NAF1: variants seen among roughly 807,000 people sequenced by gnomAD.
The protein encoded by NAF1 is nuclear assembly factor 1 ribonucleoprotein.
NAF1 carries 11 observed loss-of-function variants against 40.6 expected under a neutral mutation model. The ratio of observed to expected loss-of-function variants is 0.27; its 90% confidence interval spans 0.17 to 0.45. The LOEUF is 0.45. Ranked by LOEUF, NAF1 falls within the 20% of genes least tolerant of loss-of-function variation. The pLI is 1.00. For missense variants in NAF1, 607 were observed against 611.1 expected (o/e 0.99, Z 0.07); for synonymous variants, 260 against 228.5 (o/e 1.14, Z -1.24).
At chr4:163,162,213 A>G (rs1169156358) in intron 2 of NAF1, among the ~76,000 whole-genome samples, 4 of 152,200 alleles carry the variant, frequency 2.6e-5, no homozygotes, top group Non-Finnish European at 5.9e-5. Context: ...TCCTAAACAC[A>G]CTACATACCT....
In NAF1 at chr4:163,166,653, T is replaced by C. The variant is rs2111083350; in HGVS notation, c.75A>G (p.Glu25=). ...AGCCCGGAGACGGAGCCGCCGGACC[T>C]TCCCCAACTCCAAAGTCGGTGCCAT... The part of the protein sequence containing the change: ...KFNGTDFGVG[E]GPAAPSPGSA... Residue 25 remains glutamate, a synonymous_variant, in exon 1 of 8, where the codon GAA becomes GAG. Coordinates refer to ENST00000274054, the MANE Select transcript of NAF1 (RefSeq NM_138386.3). 2 of 1,613,550 alleles carry C rather than the reference T, an allele frequency of 1.2e-6. No individual in the cohort carries two copies. The highest frequency in any genetic ancestry group is 2.2e-5 in the East Asian group (1 of 44,870).
rs375032528 is a variant in NAF1, at chr4:163,133,294, G to T, written c.931-38C>A. On this transcript the variant is annotated intron_variant, in intron 6 of 7. Transcript: ENST00000274054. ...AGTATATAATAGGTTTATGTTACAT[G>T]AATTTGCCAATTCAATAGTACATAC... 12 of 1,532,082 alleles carry T rather than the reference G, an allele frequency of 7.8e-6. No homozygotes were observed. The African/African-American group carries it at 1.4e-4, about 17-fold the overall frequency. 94.9% of individuals were successfully genotyped at this position (1,532,082 alleles called of 1,614,324 possible).
At chr4:163,135,296 A>G (rs1396756654) in intron 6 of NAF1, 1 of 152,216 alleles carries the variant, frequency 6.6e-6, no homozygotes, top group Non-Finnish European at 1.5e-5. Context: ...TAGACTACAA[A>G]GTTTCACCAA....
intron 2 of NAF1, among the ~76,000 whole-genome samples, chr4:163,115,838 C>T (rs1409352918): frequency 6.6e-6 from 1 of 152,166 alleles, no homozygotes; most frequent in East Asian, 1.9e-4. Context: ...ATAATGTGTA[C>T]AAATGCAACA....
At chr4:163,128,180 C>G (rs1279594748), downstream of NAF1, among the ~76,000 whole-genome samples, 1 of 152,124 alleles carries the variant, frequency 6.6e-6, no homozygotes, top group African/African-American at 2.4e-5. Flanking sequence ...ATGTGAGGAT[C>G]TGGAAAACAA....
At chr4:163,104,213 C>G in the NAF1 span, among the ~76,000 whole-genome samples, 1 of 152,102 alleles carries the variant, frequency 6.6e-6, no homozygotes, top group Non-Finnish European at 1.5e-5. Context: ...AGGCAGGAAC[C>G]GGCCGTTTCC....
chr4:163,166,717 A>G lies in NAF1; in HGVS notation c.11T>C (p.Val4Ala). MEV[V>A]EAAAAQLETL... ...TTCCAGCTGAGCGGCGGCGGCCTCCACTACCTCCATCGCACCGCGCCAGAA... is the reference window on the plus strand; with the variant it reads ...TTCCAGCTGAGCGGCGGCGGCCTCCGCTACCTCCATCGCACCGCGCCAGAA... Residue 4 changes from valine to alanine, a missense_variant, in exon 1 of 8, where the codon GTG becomes GCG. By Grantham distance (64) the Val-to-Ala change is moderately conservative. This residue lies in a region of NAF1 where 407 missense variants were observed against 365.5 expected (regional missense o/e 1.11). Coordinates refer to ENST00000274054, the MANE Select transcript of NAF1 (RefSeq NM_138386.3). 1 of 1,613,452 alleles carries G rather than the reference A, an allele frequency of 6.2e-7. No homozygotes were observed. Among genetic ancestry groups the G allele is most frequent in the Non-Finnish European group, 8.5e-7 (1 of 1,179,964 alleles).
At chr4:163,115,551 A>G (rs1470649673) in intron 2 of NAF1, among the ~76,000 whole-genome samples, 2 of 152,078 alleles carry the variant, frequency 1.3e-5, no homozygotes, top group African/African-American at 4.8e-5. Flanking sequence ...TCATGTTTCT[A>G]TTTATTTTTT....
chr4:163,164,728 C>T (rs1047202056), intron 1 of NAF1, among the ~76,000 whole-genome samples: 17 of 152,124 alleles, frequency 1.1e-4, no homozygotes, highest in African/African-American at 3.6e-4. Context: ...ATGTGACAAA[C>T]CACTAAAAAA....
chr4:163,128,088 A>G (rs1435971022), downstream of NAF1, among the ~76,000 whole-genome samples: 1 of 152,232 alleles, frequency 6.6e-6, no homozygotes, highest in East Asian at 1.9e-4. Context: ...CATAATATAA[A>G]GCAGTAGTCA....
intron 2 of NAF1, among the ~76,000 whole-genome samples, chr4:163,153,464 T>G (rs565061319): frequency 6.6e-6 from 1 of 152,124 alleles, no homozygotes; most frequent in East Asian, 1.9e-4. Context: ...AGAACCTTTA[T>G]GTCTAGCTCA....
chr4:163,104,040 T>C, the NAF1 span, among the ~76,000 whole-genome samples: 1 of 145,760 alleles, frequency 6.9e-6, no homozygotes, highest in African/African-American at 2.6e-5. Context: ...GGGTGGGTAG[T>C]GGAAAATTAC....
intron 6 of NAF1, among the ~76,000 whole-genome samples, 191 bp downstream of exon 6, chr4:163,137,008 A>G (rs1731084452): frequency 6.6e-6 from 1 of 152,206 alleles, no homozygotes; most frequent in Non-Finnish European, 1.5e-5. Context: ...TAAATGATCA[A>G]TCAAAACCTT....
chr4:163,126,839 C>T, downstream of NAF1: 5 of 1,230,798 alleles, frequency 4.1e-6, no homozygotes, highest in South Asian at 3.5e-5. Flanking sequence ...GATTAGTCAG[C>T]GGCCAACAGC....
chr4:163,164,630 C>T (rs926258374), intron 1 of NAF1, among the ~76,000 whole-genome samples: 1 of 152,042 alleles, frequency 6.6e-6, no homozygotes, highest in Non-Finnish European at 1.5e-5. Context: ...TTTAGTTTAC[C>T]AATAACATTT....
rs200114417 is a variant in NAF1, at chr4:163,128,887, G to T, written c.*10C>A. ...GAAAAGTCCACATTTCTCTGGAAAT[G>T]CATAGTCACCTAATAGTAAGGTCCA... On this transcript the variant is annotated 3_prime_UTR_variant, in exon 8 of 8. Transcript: ENST00000274054. 5 of 1,457,448 alleles carry T rather than the reference G, an allele frequency of 3.4e-6. No homozygotes were observed. Among genetic ancestry groups the T allele is most frequent in the East Asian group, 5.0e-5 (2 of 39,958 alleles). The allele number at this position is 1,457,448 out of a possible 1,614,324, so 90.3% of individuals were successfully genotyped here.
At position 163,164,612 on chromosome 4, in the gene NAF1, A is replaced by G. The variant is rs78838578; in HGVS notation, c.366-221T>C. Among the ~76,000 whole-genome samples the G allele has an allele frequency of 6.4e-3, 968 of 152,300 alleles. 14 individuals are homozygous for G. Among genetic ancestry groups the G allele is most frequent in the African/African-American group, 0.022 (894 of 41,538 alleles). ...CTTCAAAACTGATATGGTATTGGGA[A>G]AGTAGTATTTAGTTTACCAATAACA... On this transcript the variant is annotated intron_variant, in intron 1 of 7. Coordinates refer to ENST00000274054, the MANE Select transcript of NAF1 (RefSeq NM_138386.3).
Position 163,133,205 on chromosome 4 carries a change from T to G in NAF1, c.982A>C (p.Lys328Gln), listed in dbSNP as rs1421499678. ...EKEKEAKQRK[K>Q]SQIQGRKKLK... is the part of the protein sequence containing the mutation. The stretch of plus-strand genomic sequence containing the variant: ...TTTTTCCGGCCTTGAATCTGAGATT[T>G]TTTCCTCTGTTTGGCTTCCTTCTCT... The change falls in exon 7 of 8, where the codon AAA becomes CAA. Residue 328 changes from lysine to glutamine, a missense_variant. Transcript: ENST00000274054. 9 of 1,613,866 alleles carry G rather than the reference T, an allele frequency of 5.6e-6. No homozygotes were observed. The highest frequency in any genetic ancestry group is 7.6e-6 in the Non-Finnish European group (9 of 1,179,886).
In NAF1 at chr4:163,129,123, G is replaced by T. The variant is rs1159403988; in HGVS notation, c.1259C>A (p.Pro420Gln). 1 of 1,613,450 alleles carries T rather than the reference G, an allele frequency of 6.2e-7. No homozygotes were observed. The highest frequency in any genetic ancestry group is 8.5e-7 in the Non-Finnish European group (1 of 1,179,500). Residue 420 changes from proline (P) to glutamine (Q), a missense_variant, in exon 8 of 8, where the codon CCA (proline) becomes CAA (glutamine). Physicochemically the swap from Pro to Gln is moderately conservative, Grantham distance 76. Transcript: ENST00000274054. Reference protein sequence around the residue: ...PSQRQNNPIMPQYPFPLPVFD... With the variant: ...PSQRQNNPIMQQYPFPLPVFD... ...CACTGGAAGAGGAAAGGGGTATTGT[G>T]GCATAATGGGATTATTTTGTCTCTG...
Sources: gnomAD v4.1 joint callset for allele counts (sites outside exome capture counted in the v4.1 genomes callset) on GRCh38, gnomAD v4.1.1 for gene constraint, gnomAD v4.1.1 regional missense constraint, MANE v1.5 for transcripts, NCBI Gene and HGNC (gene_info 2026-07-23, HGNC 2026-07-21) for gene names.